Variants in TENM2 observed in about 807,000 individuals in gnomAD.
TENM2 encodes the protein teneurin-2.
A neutral mutation model predicts 245.2 loss-of-function variants in TENM2; 52 were observed. The ratio of observed to expected loss-of-function variants is 0.21; its 90% CI spans 0.17 to 0.27. The LOEUF (loss-of-function observed/expected upper bound fraction) is 0.27. TENM2 is among the 10% of genes least tolerant of loss of function. The pLI is 1.00. For synonymous variants in TENM2, 1,363 were observed against 1,438.9 expected, an observed-to-expected ratio of 0.95 and a Z score of 1.19; for missense variants, 3,046 against 3,666.8, an observed-to-expected ratio of 0.83 and a Z score of 4.37.
chr5:167,947,886 T>C (rs1779763275), intron 3 of TENM2, among the ~76,000 whole-genome samples: 1 of 152,152 alleles, frequency 6.6e-6, no homozygotes, highest in Non-Finnish European at 1.5e-5. Flanking sequence ...TTTCATATAT[T>C]TTATCATCAT....
the TENM2 span, among the ~76,000 whole-genome samples, chr5:167,279,286 A>G: frequency 1.3e-5 from 2 of 152,104 alleles, no homozygotes; most frequent in African/African-American, 2.4e-5. Context: ...AGCTTTTTGA[A>G]TAGGTATTTT....
At chr5:168,013,498 G>A (rs570031599) in intron 5 of TENM2, among the ~76,000 whole-genome samples, 13 of 151,940 alleles carry the variant, frequency 8.6e-5, no homozygotes, top group Non-Finnish European at 1.6e-4. Context: ...CAGCTACCCA[G>A]GAGGCTGAGG....
chr5:167,173,963 T>G, the TENM2 span, among the ~76,000 whole-genome samples: 13 of 152,306 alleles, frequency 8.5e-5, no homozygotes, highest in African/African-American at 3.1e-4. Flanking sequence ...TTATGTGATT[T>G]TTAATATAAA....
chr5:167,393,455 G>A (rs1025673834), intron 2 of TENM2, among the ~76,000 whole-genome samples: 1 of 152,120 alleles, frequency 6.6e-6, no homozygotes, highest in Non-Finnish European at 1.5e-5. Context: ...CAGATTTCAG[G>A]GGTGTGGCAT....
chr5:167,476,341 T>TA (rs1193820268), intron 2 of TENM2, among the ~76,000 whole-genome samples: 6 of 152,236 alleles, frequency 3.9e-5, no homozygotes, highest in African/African-American at 1.2e-4. Flanking sequence ...CATGGTCTTG[T>TA]AACAGTACAC....
chr5:167,830,963 C>A (rs1483960939), intron 2 of TENM2, among the ~76,000 whole-genome samples: 1 of 152,100 alleles, frequency 6.6e-6, no homozygotes, highest in African/African-American at 2.4e-5. Context: ...TTGTTTCCAG[C>A]TTTTTATCTC....
chr5:168,240,906 A>G (rs1304286057), intron 25 of TENM2: 1 of 152,104 alleles, frequency 6.6e-6, no homozygotes, highest in Non-Finnish European at 1.5e-5. Context: ...TCTGAAACCC[A>G]TAGGTTTAAG....
chr5:168,245,572 TAAAA>T (rs35630506), intron 26 of TENM2, among the ~76,000 whole-genome samples: 15 of 120,056 alleles, frequency 1.2e-4, no homozygotes, highest in Non-Finnish European at 1.4e-4. Flanking sequence ...GGAGTGGCGG[TAAAA>T]AAAAAAAAAA....
chr5:167,975,174 T>C (rs1361386237), intron 4 of TENM2, among the ~76,000 whole-genome samples: 1 of 152,218 alleles, frequency 6.6e-6, no homozygotes, highest in East Asian at 1.9e-4. Context: ...TCTGCATCAA[T>C]ACTTCCAAGA....
chr5:167,576,387 A>G (rs1774689218), intron 2 of TENM2, among the ~76,000 whole-genome samples: 1 of 152,116 alleles, frequency 6.6e-6, no homozygotes. Flanking sequence ...AAAGCCAAGA[A>G]AAAAGATTCT....
At chr5:167,702,650 G>A (rs1424517965) in intron 2 of TENM2, among the ~76,000 whole-genome samples, 1 of 148,366 alleles carries the variant, frequency 6.7e-6, no homozygotes, top group Non-Finnish European at 1.5e-5. Flanking sequence ...TGTTTGTTTT[G>A]TTTGTTTTTA....
chr5:167,332,608 G>A (rs553174549), intron 1 of TENM2, among the ~76,000 whole-genome samples: 33 of 152,252 alleles, frequency 2.2e-4, no homozygotes, highest in Admixed American at 4.6e-4. Context: ...AGTAGCATGC[G>A]TTTATTCCTT....
intron 2 of TENM2, among the ~76,000 whole-genome samples, chr5:167,482,619 G>C (rs943244645): frequency 1.1e-4 from 16 of 152,070 alleles, no homozygotes; most frequent in African/African-American, 3.9e-4. Flanking sequence ...GCTACTCTTA[G>C]TTGCTTGATA....
intron 2 of TENM2, among the ~76,000 whole-genome samples, chr5:167,602,240 C>G (rs1776689039): frequency 6.6e-6 from 1 of 152,144 alleles, no homozygotes; most frequent in Non-Finnish European, 1.5e-5. Flanking sequence ...TGTTTCTCAT[C>G]TATTTCTCGC....
At chr5:167,277,750 T>G in the TENM2 span, among the ~76,000 whole-genome samples, 1 of 152,158 alleles carries the variant, frequency 6.6e-6, no homozygotes, top group South Asian at 2.1e-4. Flanking sequence ...TTTTTTTCAG[T>G]TATATCATTT....
chr5:168,228,729 G>A (rs1393511269), intron 25 of TENM2, among the ~76,000 whole-genome samples: 1 of 84,494 alleles, frequency 1.2e-5, no homozygotes, highest in Non-Finnish European at 1.9e-5. Context: ...AGAGGTTCAG[G>A]GAAGATTTCC....
rs79005943 is a variant in TENM2, at chr5:167,412,548, G to A, written c.502+37075G>A. On this transcript the variant is annotated intron_variant, in intron 2 of 28. Transcript: ENST00000518659. ...TGTGCAACTTTTTTTGCCGTGATAA[G>A]ATTATCTATTACTCAATCTTAGAAG... Among the ~76,000 whole-genome samples, 485 of 152,192 alleles carry A rather than the reference G, an allele frequency of 3.2e-3. 6 individuals are homozygous for A. The highest frequency in any genetic ancestry group is 0.011 in the African/African-American group (465 of 41,548).
At chr5:167,617,658 C>T (rs980398242) in intron 2 of TENM2, among the ~76,000 whole-genome samples, 1 of 152,124 alleles carries the variant, frequency 6.6e-6, no homozygotes, top group Admixed American at 6.6e-5. Context: ...ACTCTAATAT[C>T]CCCTAGTAGA....
chr5:167,152,216 G>A, the TENM2 span, among the ~76,000 whole-genome samples: 1 of 152,140 alleles, frequency 6.6e-6, no homozygotes, highest in African/African-American at 2.4e-5. Context: ...ATGGTATGAA[G>A]CAGAAATTTT....
Sources: gnomAD v4.1 joint callset for allele counts (sites outside exome capture counted in the v4.1 genomes callset) on GRCh38, gnomAD v4.1.1 for gene constraint, MANE v1.5 for transcripts, NCBI Gene and HGNC (gene_info 2026-07-23, HGNC 2026-07-21) for gene names.